The following BPTF variants were observed in gnomAD, a reference collection of about 807,000 sequenced individuals.
BPTF encodes the protein bromodomain PHD finger transcription factor, also known as nucleosome-remodeling factor subunit BPTF.
A neutral mutation model predicts 292.5 loss-of-function variants in BPTF; 18 were observed. That is an observed-to-expected ratio of 0.06 (90% CI 0.04 to 0.09). BPTF has a LOEUF of 0.09. Among genes scored for constraint, BPTF ranks in the 10% least tolerant of loss-of-function variants. BPTF has a pLI of 1.00. For synonymous variants in BPTF, 1,225 were observed against 1,251.9 expected, an observed-to-expected ratio of 0.98 and a Z score of 0.45; for missense variants, 2,726 against 3,498.7, an observed-to-expected ratio of 0.78 and a Z score of 5.57.
chr17:67,905,136 G>T (rs568426272), intron 9 of BPTF, among the ~76,000 whole-genome samples: 2 of 152,152 alleles, frequency 1.3e-5, no homozygotes, highest in Admixed American at 6.6e-5. Context: ...GCAGCCAGGC[G>T]CGGTGGTTCA....
chr17:67,837,272 T>A (rs991589984), intron 1 of BPTF, among the ~76,000 whole-genome samples: 1 of 152,236 alleles, frequency 6.6e-6, no homozygotes, highest in Admixed American at 6.5e-5. Context: ...TTTAGTCACT[T>A]AAGCTGGTGT....
chr17:67,979,363 A>G (rs1180602530), intron 27 of BPTF, among the ~76,000 whole-genome samples: 1 of 152,070 alleles, frequency 6.6e-6, no homozygotes, highest in African/African-American at 2.4e-5. Context: ...CCTGGCCAAC[A>G]TGATGAAACC....
At chr17:67,942,067 A>G (rs1023450868) in intron 19 of BPTF, among the ~76,000 whole-genome samples, 14 of 152,190 alleles carry the variant, frequency 9.2e-5, no homozygotes, top group African/African-American at 3.1e-4. Flanking sequence ...TGGGGGGCCA[A>G]GGTTTTGGGA....
intron 26 of BPTF, chr17:67,975,081 A>C (rs2069240476): frequency 6.6e-6 from 1 of 152,224 alleles, no homozygotes; most frequent in Non-Finnish European, 1.5e-5. Context: ...ATCACTCCGG[A>C]GATTCCAACC....
intron 1 of BPTF, among the ~76,000 whole-genome samples, chr17:67,840,564 T>A (rs1696372794): frequency 6.6e-6 from 1 of 151,284 alleles, no homozygotes; most frequent in African/African-American, 2.4e-5. Context: ...TCCTCCTTTC[T>A]ATTTTTTTAG....
At position 67,874,970 on chromosome 17, in the gene BPTF, A is replaced by G. The variant is rs1435500149; in HGVS notation, c.1814A>G (p.Asp605Gly). The change falls in exon 4 of 28, where the codon GAC becomes GGC. Residue 605 changes from aspartate to glycine, a missense_variant. Physicochemically the swap from Asp to Gly is moderately conservative, Grantham distance 94 (BLOSUM62 -1). This residue lies in a region of BPTF where 187 missense variants were observed against 201.5 expected (regional missense o/e 0.93). Coordinates refer to ENST00000306378, the MANE Select transcript of BPTF (RefSeq NM_182641.4). ...EEFEDQSLEK[D>G]SDDKTPDDDP... Reference sequence around the variant, plus strand: ...TTTGAAGACCAGTCCCTTGAAAAAGACAGTGACGACAAAACACCAGATGAT... The same window carrying G: ...TTTGAAGACCAGTCCCTTGAAAAAGGCAGTGACGACAAAACACCAGATGAT... The G allele has an allele frequency of 1.2e-5, 19 of 1,613,894 alleles. No homozygotes were observed. Among genetic ancestry groups the G allele is most frequent in the Non-Finnish European group, 1.3e-5 (15 of 1,179,888 alleles).
intron 23 of BPTF, among the ~76,000 whole-genome samples, chr17:67,952,002 C>T (rs1223711606): frequency 1.5e-5 from 2 of 137,246 alleles, no homozygotes; most frequent in Non-Finnish European, 3.0e-5. Context: ...TTGCAGTGAC[C>T]CGAGATCATG....
Position 67,931,945 on chromosome 17 carries a change from C to T in BPTF, c.6185C>T (p.Thr2062Ile). 1 of 1,613,954 alleles carries T rather than the reference C, an allele frequency of 6.2e-7. No individual in the cohort carries two copies. Among genetic ancestry groups the T allele is most frequent in the East Asian group, 2.2e-5 (1 of 44,868 alleles). Residue 2062 changes from threonine (T) to isoleucine (I), a missense_variant, in exon 18 of 28, where the codon ACC becomes ATC. Physicochemically the swap from Thr to Ile is moderately conservative, Grantham distance 89. Transcript: ENST00000306378. ...GGGCCTCAGATTCGCCCTGGTATGACCGTGATTAGAACACCACTCCAACAG... is the reference window on the plus strand; with the variant it reads ...GGGCCTCAGATTCGCCCTGGTATGATCGTGATTAGAACACCACTCCAACAG... ...ITGPQIRPGM[T>I]VIRTPLQQST... is the part of the protein sequence containing the mutation.
At chr17:67,832,896 T>G (rs1451170760) in intron 1 of BPTF, among the ~76,000 whole-genome samples, 1 of 149,132 alleles carries the variant, frequency 6.7e-6, no homozygotes, top group Non-Finnish European at 1.5e-5. Flanking sequence ...TAAGCGATTC[T>G]CCTGCCTCAG....
At chr17:67,834,107 C>T (rs1451554947) in intron 1 of BPTF, among the ~76,000 whole-genome samples, 1 of 152,186 alleles carries the variant, frequency 6.6e-6, no homozygotes, top group African/African-American at 2.4e-5. Context: ...AGCCTGCCTT[C>T]TCTGATCACC....
intron 20 of BPTF, 76 bp downstream of exon 20, chr17:67,944,448 A>G: frequency 6.8e-7 from 1 of 1,480,288 alleles, no homozygotes; most frequent in South Asian, 1.2e-5. Flanking sequence ...CAACAGGAGA[A>G]CCAGTATTTA....
At chr17:67,871,942 C>T (rs1357253253) in intron 3 of BPTF, among the ~76,000 whole-genome samples, 1 of 152,172 alleles carries the variant, frequency 6.6e-6, no homozygotes, top group East Asian at 1.9e-4. Context: ...TATCATGTCT[C>T]AGCCTCCCAG....
intron 2 of BPTF, among the ~76,000 whole-genome samples, chr17:67,866,083 T>C (rs2059376135): frequency 6.6e-6 from 1 of 152,162 alleles, no homozygotes; most frequent in Non-Finnish European, 1.5e-5. Context: ...ATGGTGCCAC[T>C]GCACTCTAGC....
At chr17:67,892,389 C>T (rs937887304) in intron 5 of BPTF, among the ~76,000 whole-genome samples, 1 of 152,200 alleles carries the variant, frequency 6.6e-6, no homozygotes, top group African/African-American at 2.4e-5. Context: ...AGATGATTCA[C>T]TGCTCAGTTC....
chr17:67,894,188 A>T, intron 7 of BPTF, 23 bp downstream of exon 7: 4 of 1,612,200 alleles, frequency 2.5e-6, no homozygotes, highest in Non-Finnish European at 3.4e-6. Context: ...TGAGCCTTGT[A>T]AATGATGAGT....
chr17:67,851,506 A>G (rs1177932220), intron 1 of BPTF, among the ~76,000 whole-genome samples: 2 of 152,186 alleles, frequency 1.3e-5, no homozygotes, highest in African/African-American at 2.4e-5. Flanking sequence ...TGTGAGCTGC[A>G]AGCAGCATGT....
At position 67,944,320 on chromosome 17, in the gene BPTF, AACAGCCACC is replaced by A; in HGVS notation, c.6656_6664del (p.Thr2219_Ala2221del). On this transcript the variant is annotated inframe_deletion, in exon 20 of 28. Coordinates refer to ENST00000306378, the MANE Select transcript of BPTF (RefSeq NM_182641.4). Reference sequence around the variant, plus strand: ...GATTCCTCTTTACCCCATTGGCAACAACAGCCACCACAGCCAGCACCACCACCACCACTG... The same window carrying A: ...GATTCCTCTTTACCCCATTGGCAACAACAGCCAGCACCACCACCACCACTG... 6.2e-7 allele frequency: 1 copy of A among 1,614,080 alleles called. No individual in the cohort carries two copies. The highest frequency in any genetic ancestry group is 8.5e-7 in the Non-Finnish European group (1 of 1,180,036).
intron 27 of BPTF, among the ~76,000 whole-genome samples, chr17:67,976,714 A>AAGAAG (rs1555694156): frequency 8.6e-6 from 1 of 116,588 alleles, no homozygotes. Context: ...AAAAAAAAAA[A>AAGAAG]ATAAGAATAA....
intron 18 of BPTF, among the ~76,000 whole-genome samples, chr17:67,938,836 A>G (rs573392522): frequency 2.6e-5 from 4 of 152,244 alleles, no homozygotes; most frequent in Non-Finnish European, 5.9e-5. Flanking sequence ...AAAAATATGT[A>G]TTAAATAAGT....
Sources: gnomAD v4.1 joint callset for allele counts (sites outside exome capture counted in the v4.1 genomes callset) on GRCh38, gnomAD v4.1.1 for gene constraint, gnomAD v4.1.1 regional missense constraint, MANE v1.5 for transcripts, NCBI Gene and HGNC (gene_info 2026-07-23, HGNC 2026-07-21) for gene names.